LMAN2L: variants seen among roughly 807,000 people sequenced by gnomAD.
LMAN2L encodes the protein VIP36-like protein.
LMAN2L carries 30 observed loss-of-function variants against 44.3 expected under a neutral mutation model. The observed-to-expected ratio is 0.68, with a 90% confidence interval of 0.51 to 0.92. The LOEUF is 0.92. Ranked by LOEUF, LMAN2L falls within the 40% of genes least tolerant of loss-of-function variation. The probability of loss-of-function intolerance (pLI) is 0.00; values close to 1 mark genes in which losing one functional copy is unlikely to be tolerated. For synonymous variants in LMAN2L, 183 were observed against 171.1 expected, an observed-to-expected ratio of 1.07 and a Z score of -0.54; for missense variants, 429 against 446.1, an observed-to-expected ratio of 0.96 and a Z score of 0.35.
At chr2:96,739,405 G>A (rs1031408606) in intron 1 of LMAN2L, among the ~76,000 whole-genome samples, 2 of 152,152 alleles carry the variant, frequency 1.3e-5, no homozygotes, top group Non-Finnish European at 2.9e-5. Context: ...CCCCTAGGCT[G>A]GAGAAGAGAA....
At position 96,734,299 on chromosome 2, in the gene LMAN2L, A is replaced by C. The variant is rs563081833; in HGVS notation, c.424+110T>G. 4 of 754,486 alleles carry C rather than the reference A, an allele frequency of 5.3e-6. No individual in the cohort carries two copies. The South Asian group carries it at 5.9e-5, about 11-fold the overall frequency. The allele number at this position is 754,486 out of a possible 1,614,324, so 46.7% of individuals were successfully genotyped here. A position where few individuals can be genotyped will look rare whatever the true frequency, so the allele number is the denominator to read the frequency against. ...GGGCCAGTGTTCATCCACATACATT[A>C]AGGGAGAGGGAAAACAGCTGGCACT... is the stretch of plus-strand genomic sequence containing the variant. On this transcript the variant is annotated intron_variant, in intron 3 of 7. Transcript: ENST00000264963.
chr2:96,727,040 C>T (rs1426430601), intron 4 of LMAN2L, among the ~76,000 whole-genome samples: 2 of 151,914 alleles, frequency 1.3e-5, no homozygotes, highest in Non-Finnish European at 2.9e-5. Flanking sequence ...GCCAAGATCA[C>T]GCCACTGCAT....
intron 1 of LMAN2L, 143 bp from the exon 2 acceptor site, chr2:96,738,210 T>C: frequency 1.6e-6 from 1 of 626,384 alleles, no homozygotes; most frequent in South Asian, 1.9e-5. Flanking sequence ...CAGTCATGAA[T>C]CTTACCATCT....
chr2:96,719,376 T>C (rs1312949318), intron 4 of LMAN2L, among the ~76,000 whole-genome samples: 1 of 151,652 alleles, frequency 6.6e-6, no homozygotes, highest in African/African-American at 2.4e-5. Context: ...TCTTTCACTG[T>C]CTCAGAAAAG....
At position 96,740,002 on chromosome 2, in the gene LMAN2L, C is replaced by G. The variant is rs1052725621; in HGVS notation, c.39G>C (p.Gln13His). 6 of 1,613,614 alleles carry G rather than the reference C, an allele frequency of 3.7e-6. No individual in the cohort carries two copies. Among genetic ancestry groups the G allele is most frequent in the Non-Finnish European group, 4.2e-6 (5 of 1,180,002 alleles). The change falls in exon 1 of 8, where the codon CAG (glutamine) becomes CAC (histidine). Residue 13 changes from glutamine (Q) to histidine (H), a missense_variant. By Grantham distance (24) the Gln-to-His change is conservative. Coordinates refer to ENST00000264963, the MANE Select transcript of LMAN2L (RefSeq NM_030805.4). ...ATLGPLGSWQ[Q>H]WRRCLSARDG... ...CCCGAGCCGACAAACATCGCCGCCA[C>G]TGCTGCCACGACCCAAGGGGTCCCA...
intron 4 of LMAN2L, among the ~76,000 whole-genome samples, chr2:96,730,651 T>C (rs1298609777): frequency 6.6e-6 from 1 of 151,764 alleles, no homozygotes; most frequent in Non-Finnish European, 1.5e-5. Flanking sequence ...TTCTACTTTA[T>C]TTCCACACAC....
chr2:96,711,226 T>C (rs1356939945), intron 6 of LMAN2L, among the ~76,000 whole-genome samples: 1 of 152,060 alleles, frequency 6.6e-6, no homozygotes, highest in Non-Finnish European at 1.5e-5. Context: ...AACAAAAGGA[T>C]CTGTACACAC....
At chr2:96,739,399 T>C (rs2078587067) in intron 1 of LMAN2L, among the ~76,000 whole-genome samples, 1 of 152,196 alleles carries the variant, frequency 6.6e-6, no homozygotes, top group South Asian at 2.1e-4. Flanking sequence ...ACAGGGCCCC[T>C]AGGCTGGAGA....
At chr2:96,726,318 T>C (rs1483781769) in intron 4 of LMAN2L, among the ~76,000 whole-genome samples, 4 of 151,874 alleles carry the variant, frequency 2.6e-5, no homozygotes, top group East Asian at 1.9e-4. Context: ...CAAATAGAAA[T>C]AGTTTTACTT....
intron 4 of LMAN2L, among the ~76,000 whole-genome samples, chr2:96,721,089 C>A (rs10189727): frequency 0.75 from 113,661 of 151,646 alleles, 44,461 homozygotes; most frequent in African/African-American, 0.93. Context: ...TTCATCACCC[C>A]AAAAAAAAAT....
intron 4 of LMAN2L, among the ~76,000 whole-genome samples, chr2:96,730,635 CTCTGAT>C (rs1344975845): frequency 3.3e-5 from 5 of 152,168 alleles, no homozygotes; most frequent in Admixed American, 3.3e-4. Flanking sequence ...CCTCATCTGT[CTCTGAT>C]TCTACTTTAT....
At chr2:96,716,027 T>C (rs887799167) in intron 4 of LMAN2L, among the ~76,000 whole-genome samples, 5 of 152,238 alleles carry the variant, frequency 3.3e-5, no homozygotes, top group Admixed American at 6.5e-5. Flanking sequence ...CAGTGACTAG[T>C]GTATTTCTAG....
intron 6 of LMAN2L, among the ~76,000 whole-genome samples, chr2:96,710,936 G>A (rs920686502): frequency 3.3e-5 from 5 of 152,152 alleles, no homozygotes; most frequent in African/African-American, 1.2e-4. Context: ...AAGAGAGTAA[G>A]TGTATAAACG....
chr2:96,707,542 C>A, intron 7 of LMAN2L, 144 bp from the exon 8 acceptor site: 1 of 1,226,546 alleles, frequency 8.2e-7, no homozygotes, highest in Non-Finnish European at 1.1e-6. Flanking sequence ...AACTGAGAAA[C>A]AAAGCGGCCC....
intron 2 of LMAN2L, 138 bp downstream of exon 2, chr2:96,737,811 A>C: frequency 1.6e-6 from 1 of 634,770 alleles, no homozygotes; most frequent in South Asian, 2.0e-5. Flanking sequence ...GGTCAGAATA[A>C]TCTCAAAAAT....
intron 4 of LMAN2L, among the ~76,000 whole-genome samples, chr2:96,722,394 G>T (rs2078177183): frequency 6.6e-6 from 1 of 151,676 alleles, no homozygotes; most frequent in Admixed American, 6.6e-5. Context: ...CCCATCTGGG[G>T]GTGATGGGAG....
chr2:96,724,555 G>C (rs2078227383), intron 4 of LMAN2L, among the ~76,000 whole-genome samples: 1 of 152,122 alleles, frequency 6.6e-6, no homozygotes, highest in South Asian at 2.1e-4. Flanking sequence ...ACTGAGGCTA[G>C]AGTGCAGCGA....
chr2:96,732,769 C>T (rs1054968318), intron 4 of LMAN2L, among the ~76,000 whole-genome samples: 1 of 150,248 alleles, frequency 6.7e-6, no homozygotes, highest in African/African-American at 2.4e-5. Context: ...GTTTCCTTCT[C>T]GTTATAGCCT....
rs528453925 is a variant in LMAN2L, at chr2:96,727,662, T to C, written c.507+5857A>G. Among the ~76,000 whole-genome samples the C allele has an allele frequency of 5.3e-5, 8 of 152,344 alleles. No homozygotes were observed. In the East Asian group the frequency reaches 7.7e-4, roughly 15 times the overall value. The stretch of plus-strand genomic sequence containing the variant: ...GGTAAGAGGTTGAGCAACAGGGTCA[T>C]GTGGACTCTCGTGACAAGGAAACAA... On this transcript the variant is annotated intron_variant, in intron 4 of 7. Transcript: ENST00000264963.
Sources: allele counts gnomAD v4.1 joint callset (sites outside exome capture counted in the v4.1 genomes callset), GRCh38; gene constraint gnomAD v4.1.1; transcripts MANE v1.5; gene names NCBI Gene and HGNC (gene_info 2026-07-23, HGNC 2026-07-21).